The following USP8 variants were observed in gnomAD, a reference collection of about 807,000 sequenced individuals.
USP8 encodes the protein ubiquitin carboxyl-terminal hydrolase 8.
USP8 carries 27 observed loss-of-function variants against 130.0 expected under a neutral mutation model. The ratio of observed to expected loss-of-function variants is 0.21; its 90% confidence interval spans 0.15 to 0.29. USP8 has a LOEUF of 0.29. Ranked by LOEUF, USP8 falls within the 10% of genes least tolerant of loss-of-function variation. The pLI is 1.00. For missense variants in USP8, 1,029 were observed against 1,312.2 expected (o/e 0.78, Z 3.33); for synonymous variants, 392 against 444.1 (o/e 0.88, Z 1.48).
At chr15:50,443,519 TG>T (rs2050325725) in intron 3 of USP8, among the ~76,000 whole-genome samples, 1 of 152,104 alleles carries the variant, frequency 6.6e-6, no homozygotes, top group Non-Finnish European at 1.5e-5. Flanking sequence ...AGTCTCACTC[TG>T]TCGCCCAGAC....
intron 12 of USP8, 41 bp downstream of exon 12, chr15:50,484,402 A>G (rs778507000): frequency 6.8e-7 from 1 of 1,465,978 alleles, no homozygotes; most frequent in Non-Finnish European, 9.5e-7. Context: ...AAAAAAAGCC[A>G]AACATGGATT....
intron 1 of USP8, among the ~76,000 whole-genome samples, chr15:50,431,938 C>G (rs62016946): frequency 0.34 from 51,603 of 151,958 alleles, 9,211 homozygotes; most frequent in Admixed American, 0.47. Flanking sequence ...TTACAGGTGT[C>G]AGCCACCATG....
In USP8 at chr15:50,500,684, G is replaced by A. The variant is rs971097507; in HGVS notation, c.*1596G>A. 4.9e-5 allele frequency: 65 copies of A among 1,324,428 alleles called. No individual in the cohort carries two copies. In the African/African-American group the frequency reaches 8.6e-4, roughly 18 times the overall value. The allele number at this position is 1,324,428 out of a possible 1,614,324, so 82.0% of individuals were successfully genotyped here. A position where few individuals can be genotyped will look rare whatever the true frequency, so the allele number is the denominator to read the frequency against. On this transcript the variant is annotated 3_prime_UTR_variant, in exon 20 of 20. Transcript: ENST00000307179. The stretch of plus-strand genomic sequence containing the variant: ...CGCTTTTGTATTGGTATGGAAAAGG[G>A]CTGGCAGCTATAGAACAGGAGATCC...
intron 3 of USP8, among the ~76,000 whole-genome samples, chr15:50,443,742 A>G (rs2141259232): frequency 1.3e-5 from 2 of 152,248 alleles, no homozygotes; most frequent in South Asian, 4.1e-4. Flanking sequence ...TCTGCCTTCC[A>G]AAGTGCTGGG....
chr15:50,439,233 T>G lies in USP8; in HGVS notation c.104+56T>G, dbSNP rs528248735. The G allele has an allele frequency of 1.4e-5, 16 of 1,158,874 alleles. No homozygotes were observed. The South Asian group carries it at 2.8e-4, about 21-fold the overall frequency. The allele number at this position is 1,158,874 out of a possible 1,614,324, so 71.8% of individuals were successfully genotyped here. A position where few individuals can be genotyped will look rare whatever the true frequency, so the allele number is the denominator to read the frequency against. On this transcript the variant is annotated intron_variant, in intron 2 of 19. Transcript: ENST00000307179. Reference sequence around the variant, plus strand: ...ATCAAATATTAATTTTTAGTTCGTTTCCATATTAAAGTTAGATGAATGTTA... The same window carrying G: ...ATCAAATATTAATTTTTAGTTCGTTGCCATATTAAAGTTAGATGAATGTTA...
rs1480529319 is a variant in USP8, at chr15:50,500,510, A to T, written c.*1422A>T. The T allele has an allele frequency of 8.2e-6, 3 of 365,698 alleles. No homozygotes were observed. Among genetic ancestry groups the T allele is most frequent in the Non-Finnish European group, 1.5e-5 (3 of 195,152 alleles). 22.7% of individuals were successfully genotyped at this position (365,698 alleles called of 1,614,324 possible). ...TTCTGGACGACAGATTTATCTTAAG[A>T]TGAAAGGTTGTATAACATGCCCACA... On this transcript the variant is annotated 3_prime_UTR_variant, in exon 20 of 20. Transcript: ENST00000307179.
chr15:50,497,293 G>A, intron 18 of USP8, 62 bp downstream of exon 18: 1 of 1,540,424 alleles, frequency 6.5e-7, no homozygotes. Flanking sequence ...TAAGTTCTGT[G>A]TAATTTATAC....
At chr15:50,467,305 C>T (rs2051226073) in intron 7 of USP8, among the ~76,000 whole-genome samples, 1 of 152,060 alleles carries the variant, frequency 6.6e-6, no homozygotes, top group African/African-American at 2.4e-5. Context: ...GAGATTTGGA[C>T]TACTATGAAA....
At chr15:50,486,190 AAG>A (rs778571330) in intron 12 of USP8, among the ~76,000 whole-genome samples, 6 of 152,262 alleles carry the variant, frequency 3.9e-5, no homozygotes, top group South Asian at 2.1e-4. Context: ...TCTCCACAGA[AAG>A]AGGGGGAAAA....
At chr15:50,460,345 C>T (rs1282674618) in intron 5 of USP8, among the ~76,000 whole-genome samples, 2 of 127,658 alleles carry the variant, frequency 1.6e-5, no homozygotes, top group Non-Finnish European at 1.6e-5. Context: ...TTTACTCTGT[C>T]GCTCAGGCTG....
chr15:50,429,718 C>G (rs2049869387), intron 1 of USP8, among the ~76,000 whole-genome samples: 1 of 152,030 alleles, frequency 6.6e-6, no homozygotes, highest in African/African-American at 2.4e-5. Flanking sequence ...TATGTCTCAT[C>G]CATAGAGATT....
Position 50,471,704 on chromosome 15 carries a change from T to G in USP8, c.758T>G (p.Val253Gly). 1 of 1,614,118 alleles carries G rather than the reference T, an allele frequency of 6.2e-7. No homozygotes were observed. Among genetic ancestry groups the G allele is most frequent in the Non-Finnish European group, 8.5e-7 (1 of 1,180,010 alleles). ...GACACATGGAAGAAGAGGGGGAATG[T>G]GGAGTATGTGGTACTTCTTGACTGG... ...SKDTWKKRGNVEYVVLLDWFS... is the reference protein window; with the variant it reads ...SKDTWKKRGNGEYVVLLDWFS... The change falls in exon 8 of 20, where the codon GTG (valine) becomes GGG (glycine). Residue 253 changes from valine (V) to glycine (G), a missense_variant. Val to Gly is a moderately radical substitution (Grantham distance 109). Transcript: ENST00000307179.
At chr15:50,467,123 T>C (rs1566864868) in intron 7 of USP8, 1 of 369,166 alleles carries the variant, frequency 2.7e-6, no homozygotes, top group Non-Finnish European at 4.9e-6. Context: ...ATAAATTGAT[T>C]ACTGGTTGTT....
intron 12 of USP8, among the ~76,000 whole-genome samples, chr15:50,487,258 G>A (rs1056181537): frequency 1.3e-5 from 2 of 152,126 alleles, no homozygotes; most frequent in Non-Finnish European, 1.5e-5. Flanking sequence ...TTCTTAAGAT[G>A]TGTAAGCCTT....
At chr15:50,452,995 A>T (rs1407788430) in intron 4 of USP8, among the ~76,000 whole-genome samples, 1 of 152,228 alleles carries the variant, frequency 6.6e-6, no homozygotes, top group African/African-American at 2.4e-5. Context: ...CTAACAGTGA[A>T]ATGATGCTAG....
Position 50,445,570 on chromosome 15 carries a change from G to T in USP8, c.250-3830G>T, listed in dbSNP as rs1446335332. 2.8e-4 allele frequency among the ~76,000 whole-genome samples: 5 copies of T among 17,768 alleles called. No individual in the cohort carries two copies. In the South Asian group the frequency reaches 5.0e-3, roughly 18 times the overall value. The allele number at this position is 17,768 out of a possible 152,430, so 11.7% of individuals were successfully genotyped here. A position where few individuals can be genotyped will look rare whatever the true frequency, so the allele number is the denominator to read the frequency against. ...CAAAAAAAAAAAAAAAAAAAAAAAAGCCTGGGCACAGTGGCTCACGCCTGT... is the reference window on the plus strand; with the variant it reads ...CAAAAAAAAAAAAAAAAAAAAAAAATCCTGGGCACAGTGGCTCACGCCTGT... On this transcript the variant is annotated intron_variant, in intron 3 of 19. Coordinates refer to ENST00000307179, the MANE Select transcript of USP8 (RefSeq NM_005154.5).
Position 50,509,709 on chromosome 15 carries a change from G to GA in USP8, c.*10627dup, listed in dbSNP as rs1162400069. The GA allele has an allele frequency of 1.3e-5, 2 of 152,026 alleles. No individual in the cohort carries two copies. The highest frequency in any genetic ancestry group is 2.9e-5 in the Non-Finnish European group (2 of 67,984). 9.4% of individuals were successfully genotyped at this position (152,026 alleles called of 1,614,324 possible). On this transcript the variant is annotated 3_prime_UTR_variant, in exon 20 of 20. Transcript: ENST00000307179. Reference sequence around the variant, plus strand: ...ACAAGTCAACGATAAAATTAAAAATGAAAAAACATGTAATAGCTACAGATC... The same window carrying GA: ...ACAAGTCAACGATAAAATTAAAAATGAAAAAAACATGTAATAGCTACAGATC...
chr15:50,462,358 T>G (rs763615145), intron 6 of USP8, 36 bp downstream of exon 6: 2 of 1,560,014 alleles, frequency 1.3e-6, no homozygotes, highest in Non-Finnish European at 1.7e-6. Flanking sequence ...TGTTTTAGGT[T>G]CTGACTGAGA....
Position 50,505,131 on chromosome 15 carries a change from G to A in USP8, c.*6043G>A, listed in dbSNP as rs1040968380. Reference sequence around the variant, plus strand: ...GTAGAAGTTCTAGGAGGAGAGAATCGAGTAGGGGAGCAAGGCAATATTAAA... The same window carrying A: ...GTAGAAGTTCTAGGAGGAGAGAATCAAGTAGGGGAGCAAGGCAATATTAAA... On this transcript the variant is annotated 3_prime_UTR_variant, in exon 20 of 20. Coordinates refer to ENST00000307179, the MANE Select transcript of USP8 (RefSeq NM_005154.5). The A allele has an allele frequency of 1.3e-5, 2 of 152,162 alleles. No homozygotes were observed. The highest frequency in any genetic ancestry group is 2.4e-5 in the African/African-American group (1 of 41,444). 9.4% of individuals were successfully genotyped at this position (152,162 alleles called of 1,614,324 possible).
Sources: allele counts gnomAD v4.1 joint callset (sites outside exome capture counted in the v4.1 genomes callset), GRCh38; gene constraint gnomAD v4.1.1; transcripts MANE v1.5; gene names NCBI Gene and HGNC (gene_info 2026-07-23, HGNC 2026-07-21).